Variants in ITGAL observed in about 807,000 individuals in gnomAD.
ITGAL encodes the protein integrin subunit alpha L, also known as integrin alpha-L.
In ITGAL, 68 loss-of-function variants were observed where a neutral mutation model predicts 138.4. The ratio of observed to expected loss-of-function variants is 0.49; its 90% CI spans 0.40 to 0.60. The LOEUF (loss-of-function observed/expected upper bound fraction) is 0.60, where lower values mean the gene tolerates loss of function less well. ITGAL is among the 20% of genes least tolerant of loss of function. The pLI is 0.00. For synonymous variants in ITGAL, 561 were observed against 584.3 expected, an observed-to-expected ratio of 0.96 and a Z score of 0.57; for missense variants, 1,256 against 1,478.6, an observed-to-expected ratio of 0.85 and a Z score of 2.47.
At chr16:30,490,312 C>T (rs1157752952) in intron 11 of ITGAL, among the ~76,000 whole-genome samples, 1 of 151,684 alleles carries the variant, frequency 6.6e-6, no homozygotes, top group East Asian at 1.9e-4. Flanking sequence ...TTGTCTAATC[C>T]TTACACAATA....
intron 6 of ITGAL, chr16:30,481,216 C>T (rs2050554504): frequency 4.2e-6 from 2 of 480,196 alleles, no homozygotes; most frequent in South Asian, 4.3e-5. Context: ...TGTGGTGGCA[C>T]GTGCCTGTAA....
chr16:30,508,358 G>A (rs941588892), intron 21 of ITGAL, among the ~76,000 whole-genome samples: 3 of 151,838 alleles, frequency 2.0e-5, no homozygotes, highest in Non-Finnish European at 2.9e-5. Context: ...GGATACAGGC[G>A]CCTGCCACCA....
At chr16:30,501,480 G>A (rs556291731) in intron 17 of ITGAL, among the ~76,000 whole-genome samples, 4 of 151,480 alleles carry the variant, frequency 2.6e-5, no homozygotes, top group Non-Finnish European at 4.4e-5. Context: ...GGGAGGCTGC[G>A]GCAGGAAAAT....
At chr16:30,505,570 T>G (rs2050975451) in intron 20 of ITGAL, 108 bp downstream of exon 20, 6 of 834,928 alleles carry the variant, frequency 7.2e-6, no homozygotes, top group African/African-American at 5.1e-5. Flanking sequence ...CTCTTGGGCC[T>G]TAGTTTCCTT....
intron 2 of ITGAL, 49 bp from the exon 3 acceptor site, chr16:30,475,257 T>A (rs371912334): frequency 2.7e-5 from 36 of 1,311,014 alleles, no homozygotes; most frequent in Non-Finnish European, 3.5e-5. Context: ...CAGGAGTAGA[T>A]GGGTACAGAT....
chr16:30,484,172 A>C lies in ITGAL; in HGVS notation c.915A>C (p.Lys305Asn). ...AGACCCTCCACAAATTTGCATCAAA[A>C]CCCGCGAGCGAGTTTGTGAAAATTC... The part of the protein sequence containing the change: ...SQETLHKFAS[K>N]PASEFVKILD... The change falls in exon 9 of 31, where the codon AAA becomes AAC. Residue 305 changes from lysine to asparagine, a missense_variant. Physicochemically the swap from Lys to Asn is moderately conservative, Grantham distance 94. Around this residue, in one of 3 missense-constraint regions of ITGAL, gnomAD observed 177 missense variants for 288.8 expected, o/e 0.61. Coordinates refer to ENST00000356798, the MANE Select transcript of ITGAL (RefSeq NM_002209.3). 1 of 1,614,052 alleles carries C rather than the reference A, an allele frequency of 6.2e-7. No individual in the cohort carries two copies. The highest frequency in any genetic ancestry group is 8.5e-7 in the Non-Finnish European group (1 of 1,179,998).
intron 2 of ITGAL, 100 bp from the exon 3 acceptor site, chr16:30,475,206 C>A: frequency 1.1e-6 from 1 of 880,358 alleles, no homozygotes; most frequent in Non-Finnish European, 1.8e-6. Flanking sequence ...GGCTGCAGTG[C>A]TTGGAGAAAT....
chr16:30,498,863 T>C lies in ITGAL; in HGVS notation c.1833-211T>C, dbSNP rs987082205. 42 of 524,170 alleles carry C rather than the reference T, an allele frequency of 8.0e-5. No individual in the cohort carries two copies. The South Asian group carries it at 9.8e-4, about 12-fold the overall frequency. 32.5% of individuals were successfully genotyped at this position (524,170 alleles called of 1,614,324 possible). ...CTGTAGTGAGCTGTTATCATGCCAC[T>C]GCACTCCAGCCTGGGCAACAGGGTG... On this transcript the variant is annotated intron_variant, in intron 15 of 30. Coordinates refer to ENST00000356798, the MANE Select transcript of ITGAL (RefSeq NM_002209.3).
At chr16:30,505,125 A>G (rs1390691325) in intron 18 of ITGAL, 119 bp from the exon 19 acceptor site, 2 of 943,506 alleles carry the variant, frequency 2.1e-6, no homozygotes, top group South Asian at 2.4e-5. Flanking sequence ...GCTCCTGGGC[A>G]GGGCCAACCA....
chr16:30,506,865 G>C lies in ITGAL; in HGVS notation c.2508+9G>C. The C allele has an allele frequency of 6.2e-7, 1 of 1,613,696 alleles. No homozygotes were observed. The highest frequency in any genetic ancestry group is 8.5e-7 in the Non-Finnish European group (1 of 1,179,720). On this transcript the variant is annotated intron_variant, in intron 21 of 30. Coordinates refer to ENST00000356798, the MANE Select transcript of ITGAL (RefSeq NM_002209.3). ...AGGTGGAGATGCTGAAGGTGGGTGA[G>C]AGGACAGCGCCTGCCTGCGGGCATC...
intron 17 of ITGAL, 159 bp from the exon 18 acceptor site, chr16:30,504,016 C>T (rs2050946378): frequency 3.2e-6 from 2 of 616,330 alleles, no homozygotes; most frequent in Non-Finnish European, 2.9e-6. Flanking sequence ...GTGCTGTACA[C>T]ACCTGCTATG....
At chr16:30,476,207 T>C (rs946971777) in intron 4 of ITGAL, among the ~76,000 whole-genome samples, 49 of 151,072 alleles carry the variant, frequency 3.2e-4, no homozygotes, top group Admixed American at 4.6e-4. Context: ...GCCGAGATCA[T>C]GCCACTGCAC....
At chr16:30,495,655 C>A (rs1462746699) in intron 13 of ITGAL, among the ~76,000 whole-genome samples, 3 of 151,980 alleles carry the variant, frequency 2.0e-5, no homozygotes, top group African/African-American at 7.2e-5. Flanking sequence ...CATGACAAGA[C>A]CCTGTTTCTA....
At chr16:30,492,262 T>C (rs1225676986) in intron 11 of ITGAL, among the ~76,000 whole-genome samples, 1 of 151,532 alleles carries the variant, frequency 6.6e-6, no homozygotes, top group Non-Finnish European at 1.5e-5. Context: ...TTTCTTTTTT[T>C]TTTTTTTTGA....
At chr16:30,520,020 G>A in intron 30 of ITGAL, 53 bp downstream of exon 30, 1 of 1,296,184 alleles carries the variant, frequency 7.7e-7, no homozygotes, top group Non-Finnish European at 1.1e-6. Context: ...GCTGGGGAAG[G>A]GGATCTGGTG....
At position 30,501,596 on chromosome 16, in the gene ITGAL, T is replaced by C. The variant is rs1208320852; in HGVS notation, c.2145+2107T>C. Among the ~76,000 whole-genome samples the C allele has an allele frequency of 1.3e-4, 20 of 148,596 alleles. No homozygotes were observed. In the Admixed American group the frequency reaches 1.3e-3, roughly 10 times the overall value. On this transcript the variant is annotated intron_variant, in intron 17 of 30. Coordinates refer to ENST00000356798, the MANE Select transcript of ITGAL (RefSeq NM_002209.3). ...CCATCTCAAAAAAAAAAAAAAAAATTAAAATATTTAATTTTTACAGAATAT... is the reference window on the plus strand; with the variant it reads ...CCATCTCAAAAAAAAAAAAAAAAATCAAAATATTTAATTTTTACAGAATAT...
chr16:30,493,241 A>G (rs1350110012), intron 11 of ITGAL, among the ~76,000 whole-genome samples: 3 of 139,842 alleles, frequency 2.1e-5, no homozygotes, highest in Non-Finnish European at 4.6e-5. Flanking sequence ...TGACTAATAT[A>G]TACCATTTTA....
intron 21 of ITGAL, chr16:30,509,503 A>T (rs961008643): frequency 1.3e-5 from 2 of 152,080 alleles, no homozygotes; most frequent in Non-Finnish European, 2.9e-5. Context: ...CACTTTACTG[A>T]GCCGTTGTTA....
At chr16:30,479,648 C>CTT (rs59770529) in intron 6 of ITGAL, among the ~76,000 whole-genome samples, 187 bp downstream of exon 6, 962 of 72,858 alleles carry the variant, frequency 0.013, 81 homozygotes, top group Non-Finnish European at 0.018. Flanking sequence ...TTCTCATTTC[C>CTT]TTTTTTTTTT....
Sources: allele counts gnomAD v4.1 joint callset (sites outside exome capture counted in the v4.1 genomes callset), GRCh38; gene constraint gnomAD v4.1.1; regional missense constraint gnomAD v4.1.1; transcripts MANE v1.5; gene names NCBI Gene and HGNC (gene_info 2026-07-23, HGNC 2026-07-21).